The following ZFR variants were observed in gnomAD, a reference collection of about 807,000 sequenced individuals.
ZFR encodes the protein zinc finger RNA-binding protein.
ZFR carries 19 observed loss-of-function variants against 130.7 expected under a neutral mutation model. That is an observed-to-expected ratio of 0.15 (90% CI 0.10 to 0.21). The LOEUF is 0.21. Ranked by LOEUF, ZFR falls within the 10% of genes least tolerant of loss-of-function variation. The pLI is 1.00. For synonymous variants in ZFR, 466 were observed against 456.9 expected, an observed-to-expected ratio of 1.02 and a Z score of -0.25; for missense variants, 872 against 1,321.5, an observed-to-expected ratio of 0.66 and a Z score of 5.27.
At chr5:32,422,185 T>C (rs1330313358) in intron 2 of ZFR, among the ~76,000 whole-genome samples, 3 of 151,826 alleles carry the variant, frequency 2.0e-5, no homozygotes, top group Non-Finnish European at 2.9e-5. Flanking sequence ...GAATGTTGAG[T>C]CAACCAGGAA....
chr5:32,415,529 C>CGCGT (rs1753808475), intron 4 of ZFR, among the ~76,000 whole-genome samples: 1 of 144,642 alleles, frequency 6.9e-6, no homozygotes, highest in East Asian at 2.1e-4. Context: ...CGCGCGCGCG[C>CGCGT]GCGCACTAGT....
chr5:32,380,092 G>A lies in ZFR; in HGVS notation c.2722C>T (p.His908Tyr), dbSNP rs762912567. 1 of 1,614,048 alleles carries A rather than the reference G, an allele frequency of 6.2e-7. No homozygotes were observed. Among genetic ancestry groups the A allele is most frequent in the Non-Finnish European group, 8.5e-7 (1 of 1,179,910 alleles). Residue 908 changes from histidine to tyrosine, a missense_variant, in exon 16 of 20, where the codon CAC (histidine) becomes TAC (tyrosine). Transcript: ENST00000265069. Reference protein sequence around the residue: ...KCLDALAALRHAKWFQARANG... With the variant: ...KCLDALAALRYAKWFQARANG... ...TTCCGAACCTGGAACCACTTAGCGTGGCGTAGAGCAGCCAGAGCGTCAAGG... is the reference window on the plus strand; with the variant it reads ...TTCCGAACCTGGAACCACTTAGCGTAGCGTAGAGCAGCCAGAGCGTCAAGG...
At chr5:32,443,340 T>C (rs1754513572) in intron 2 of ZFR, among the ~76,000 whole-genome samples, 2 of 152,242 alleles carry the variant, frequency 1.3e-5, no homozygotes, top group Admixed American at 1.3e-4. Flanking sequence ...AGAGCTTCCC[T>C]TAAAGCAGGG....
rs1753418184 is a variant in ZFR, at chr5:32,400,207, GA to G, written c.1517-5del. The G allele has an allele frequency of 1.3e-6, 2 of 1,567,276 alleles. No individual in the cohort carries two copies. The highest frequency in any genetic ancestry group is 1.7e-6 in the Non-Finnish European group (2 of 1,161,284). On this transcript the variant is annotated splice_region_variant and splice_polypyrimidine_tract_variant and intron_variant, in intron 8 of 19. Coordinates refer to ENST00000265069, the MANE Select transcript of ZFR (RefSeq NM_016107.5). ...GTTGACTGCAGCTTATTACCACCTA[GA>G]AAAGTATCAAAAAGTTAAAAAAAAT...
At chr5:32,423,537 A>G (rs984695541) in intron 2 of ZFR, among the ~76,000 whole-genome samples, 1 of 152,116 alleles carries the variant, frequency 6.6e-6, no homozygotes, top group African/African-American at 2.4e-5. Flanking sequence ...CTAGAAGAGA[A>G]GATAAAGTTG....
At chr5:32,434,640 G>T (rs1398505729) in intron 2 of ZFR, among the ~76,000 whole-genome samples, 1 of 152,098 alleles carries the variant, frequency 6.6e-6, no homozygotes, top group South Asian at 2.1e-4. Flanking sequence ...TAACATAGTT[G>T]GGAATACGTG....
Position 32,387,679 on chromosome 5 carries a change from C to G in ZFR, c.2369G>C (p.Arg790Pro), listed in dbSNP as rs1158465836. 1 of 1,611,100 alleles carries G rather than the reference C, an allele frequency of 6.2e-7. No individual in the cohort carries two copies. The highest frequency in any genetic ancestry group is 8.5e-7 in the Non-Finnish European group (1 of 1,178,438). ...GKDRALKGVL[R>P]VGVLAKGLLL... Reference sequence around the variant, plus strand: ...TAATCCTTTTGCCAATACTCCCACTCGCAAAACTCCTTTCAAAGCTCTGCA... The same window carrying G: ...TAATCCTTTTGCCAATACTCCCACTGGCAAAACTCCTTTCAAAGCTCTGCA... Residue 790 changes from arginine to proline, a missense_variant, in exon 14 of 20, where the codon CGA becomes CCA. Around this residue, in one of 7 missense-constraint regions of ZFR, gnomAD observed 225 missense variants for 282.4 expected, o/e 0.80. Coordinates refer to ENST00000265069, the MANE Select transcript of ZFR (RefSeq NM_016107.5).
chr5:32,378,679 C>T (rs2161604), intron 17 of ZFR, among the ~76,000 whole-genome samples: 60,915 of 151,764 alleles, frequency 0.4, 12,497 homozygotes, highest in East Asian at 0.57. Flanking sequence ...TAGCTTTCTG[C>T]GTTACTGAAT....
At chr5:32,399,719 G>A (rs1753400869) in intron 9 of ZFR, among the ~76,000 whole-genome samples, 1 of 152,096 alleles carries the variant, frequency 6.6e-6, no homozygotes, top group Admixed American at 6.5e-5. Context: ...GATAGTTGAA[G>A]GATGTATTAC....
At chr5:32,432,829 C>T (rs950819536) in intron 2 of ZFR, among the ~76,000 whole-genome samples, 3 of 151,762 alleles carry the variant, frequency 2.0e-5, no homozygotes, top group Admixed American at 1.3e-4. Flanking sequence ...CCCCAGCTCA[C>T]GTGATCCTCC....
At chr5:32,413,323 T>A (rs933619778) in intron 5 of ZFR, among the ~76,000 whole-genome samples, 1 of 152,086 alleles carries the variant, frequency 6.6e-6, no homozygotes. Flanking sequence ...GCAATCACAG[T>A]AACAATAAAG....
intron 4 of ZFR, among the ~76,000 whole-genome samples, chr5:32,417,121 TAA>T (rs70961631): frequency 1.7e-5 from 2 of 114,680 alleles, no homozygotes; most frequent in East Asian, 2.7e-4. Flanking sequence ...AGTCTCTCTC[TAA>T]AAAAAAAAAA....
intron 17 of ZFR, among the ~76,000 whole-genome samples, chr5:32,368,654 A>G (rs1406916193): frequency 6.6e-6 from 1 of 152,244 alleles, no homozygotes; most frequent in Non-Finnish European, 1.5e-5. Flanking sequence ...TTAATTTGTA[A>G]CAGACTGGAA....
At chr5:32,423,830 T>C (rs1445662154) in intron 2 of ZFR, among the ~76,000 whole-genome samples, 1 of 152,148 alleles carries the variant, frequency 6.6e-6, no homozygotes, top group East Asian at 1.9e-4. Context: ...AAATGAAAAC[T>C]AGACTTCTTA....
intron 2 of ZFR, among the ~76,000 whole-genome samples, chr5:32,422,640 T>A (rs1466866855): frequency 1.3e-5 from 2 of 150,070 alleles, no homozygotes; most frequent in African/African-American, 2.4e-5. Context: ...CTACAGAAAA[T>A]TTTTTAAAAA....
chr5:32,359,117 G>A (rs554170304), intron 19 of ZFR, among the ~76,000 whole-genome samples: 1 of 152,084 alleles, frequency 6.6e-6, no homozygotes, highest in East Asian at 1.9e-4. Flanking sequence ...CGGGGAGGTT[G>A]AGGCTGCAGT....
chr5:32,407,028 A>G lies in ZFR; in HGVS notation c.785-7T>C. ...TAACCTGAATAAGACGTACCTTACA[A>G]ATAAAAATCAAACAAAAATTATGTT... On this transcript the variant is annotated splice_polypyrimidine_tract_variant and splice_region_variant and intron_variant, in intron 5 of 19. Transcript: ENST00000265069. 1 of 1,464,448 alleles carries G rather than the reference A, an allele frequency of 6.8e-7. No individual in the cohort carries two copies. Among genetic ancestry groups the G allele is most frequent in the Non-Finnish European group, 9.0e-7 (1 of 1,106,904 alleles). The allele number at this position is 1,464,448 out of a possible 1,614,324, so 90.7% of individuals were successfully genotyped here.
At chr5:32,400,838 CCT>C (rs1328785206) in intron 8 of ZFR, among the ~76,000 whole-genome samples, 6 of 151,950 alleles carry the variant, frequency 3.9e-5, no homozygotes, top group African/African-American at 7.3e-5. Flanking sequence ...CTGGTCAGAC[CCT>C]GTCTCCCAAA....
Position 32,419,873 on chromosome 5 carries a change from C to T in ZFR, c.368G>A (p.Arg123Lys). The change falls in exon 3 of 20, where the codon AGG becomes AAG. Residue 123 changes from arginine (R) to lysine (K), a missense_variant. Arg to Lys is a conservative substitution (Grantham distance 26). Around this residue, in one of 7 missense-constraint regions of ZFR, gnomAD observed 240 missense variants for 441.2 expected, o/e 0.54. Coordinates refer to ENST00000265069, the MANE Select transcript of ZFR (RefSeq NM_016107.5). ...HTATDYGYTQRQQEAPPPPPP... is the reference protein window; with the variant it reads ...HTATDYGYTQKQQEAPPPPPP... Reference sequence around the variant, plus strand: ...TGGTGGTGGTGGTGCTTCTTGTTGCCTCTGAGTATAACCATAGTCAGTTGC... The same window carrying T: ...TGGTGGTGGTGGTGCTTCTTGTTGCTTCTGAGTATAACCATAGTCAGTTGC... 1 of 1,610,696 alleles carries T rather than the reference C, an allele frequency of 6.2e-7. No homozygotes were observed. Among genetic ancestry groups the T allele is most frequent in the African/African-American group, 1.3e-5 (1 of 74,956 alleles).
Sources: gnomAD v4.1 joint callset for allele counts (sites outside exome capture counted in the v4.1 genomes callset) on GRCh38, gnomAD v4.1.1 for gene constraint, gnomAD v4.1.1 regional missense constraint, MANE v1.5 for transcripts, NCBI Gene and HGNC (gene_info 2026-07-23, HGNC 2026-07-21) for gene names.